SIAH3: variants seen among roughly 807,000 people sequenced by gnomAD.
SIAH3 encodes seven in absentia homolog 3.
In SIAH3, 9 loss-of-function variants were observed where a neutral mutation model predicts 12.6. The observed-to-expected ratio is 0.72, with a 90% confidence interval of 0.43 to 1.25. SIAH3 has a LOEUF of 1.25. Ranked by LOEUF, SIAH3 falls within the 50% of genes most tolerant of loss-of-function variation. The pLI, the probability that SIAH3 is intolerant of heterozygous loss-of-function variation, is 0.00. For synonymous variants in SIAH3, 154 were observed against 151.1 expected, an observed-to-expected ratio of 1.02 and a Z score of -0.14; for missense variants, 390 against 365.4, an observed-to-expected ratio of 1.07 and a Z score of -0.55.
At chr13:45,825,379 G>A (rs1429052825) in intron 1 of SIAH3, among the ~76,000 whole-genome samples, 1 of 152,130 alleles carries the variant, frequency 6.6e-6, no homozygotes, top group Non-Finnish European at 1.5e-5. Context: ...TCGACTCTGG[G>A]AGCACTGCGT....
chr13:45,839,607 T>A (rs1021467168), intron 1 of SIAH3, among the ~76,000 whole-genome samples: 1 of 152,020 alleles, frequency 6.6e-6, no homozygotes, highest in Non-Finnish European at 1.5e-5. Flanking sequence ...CCAAGGTGGG[T>A]GGATCACAAG....
intron 1 of SIAH3, among the ~76,000 whole-genome samples, chr13:45,812,456 G>A (rs1330107809): frequency 6.6e-6 from 1 of 151,128 alleles, no homozygotes; most frequent in Non-Finnish European, 1.5e-5. Context: ...GTTAAAATTA[G>A]TGCCTGCTAA....
At chr13:45,839,659 C>T (rs545981853) in intron 1 of SIAH3, among the ~76,000 whole-genome samples, 5 of 152,028 alleles carry the variant, frequency 3.3e-5, no homozygotes, top group East Asian at 3.9e-4. Flanking sequence ...GGTGAAACCC[C>T]ATCTCTACTA....
intron 1 of SIAH3, among the ~76,000 whole-genome samples, chr13:45,850,140 CAG>C (rs928115178): frequency 6.6e-6 from 1 of 152,172 alleles, no homozygotes; most frequent in African/African-American, 2.4e-5. Context: ...GCTGGGATAT[CAG>C]AGAGAGTCAG....
At chr13:45,788,025 G>A (rs771563909) in intron 1 of SIAH3, among the ~76,000 whole-genome samples, 1 of 152,190 alleles carries the variant, frequency 6.6e-6, no homozygotes, top group East Asian at 1.9e-4. Context: ...GCAGCCAAGG[G>A]TATAATCCAA....
intron 1 of SIAH3, among the ~76,000 whole-genome samples, chr13:45,821,556 A>C (rs2137570585): frequency 6.6e-6 from 1 of 152,374 alleles, no homozygotes; most frequent in African/African-American, 2.4e-5. Flanking sequence ...ATAGTATGCC[A>C]TCAAAAAAAT....
At chr13:45,846,927 C>T (rs572908571) in intron 1 of SIAH3, among the ~76,000 whole-genome samples, 6 of 152,226 alleles carry the variant, frequency 3.9e-5, no homozygotes, top group African/African-American at 1.2e-4. Flanking sequence ...AAAAGCCGCA[C>T]GAATGCTCTG....
intron 1 of SIAH3, among the ~76,000 whole-genome samples, chr13:45,790,515 G>A (rs1272104059): frequency 6.6e-6 from 1 of 152,132 alleles, no homozygotes; most frequent in South Asian, 2.1e-4. Context: ...TTAGTTTCCA[G>A]ATCCTTATCC....
In SIAH3 at chr13:45,783,215, C is replaced by G; in HGVS notation, c.*168G>C. ...TACATAATATAATGCCCATGGCAGA[C>G]AAAAACTAAATCTCACAAAGTACCT... On this transcript the variant is annotated 3_prime_UTR_variant, in exon 2 of 2. Transcript: ENST00000400405. 4.9e-6 allele frequency: 2 copies of G among 408,076 alleles called. No individual in the cohort carries two copies. The highest frequency in any genetic ancestry group is 8.1e-6 in the Non-Finnish European group (2 of 246,804). The allele number at this position is 408,076 out of a possible 1,614,324, so 25.3% of individuals were successfully genotyped here. A position where few individuals can be genotyped will look rare whatever the true frequency, so the allele number is the denominator to read the frequency against.
At chr13:45,812,227 C>A (rs1423992667) in intron 1 of SIAH3, among the ~76,000 whole-genome samples, 1 of 152,200 alleles carries the variant, frequency 6.6e-6, no homozygotes, top group African/African-American at 2.4e-5. Context: ...CCCATGCTTT[C>A]CAGTTTTCAA....
intron 1 of SIAH3, among the ~76,000 whole-genome samples, chr13:45,835,339 C>T (rs549464104): frequency 7.9e-5 from 12 of 152,212 alleles, no homozygotes; most frequent in South Asian, 2.1e-4. Flanking sequence ...CAATGGAAGC[C>T]GGACACAGTA....
At chr13:45,843,126 T>C (rs1021557914) in intron 1 of SIAH3, among the ~76,000 whole-genome samples, 1 of 151,814 alleles carries the variant, frequency 6.6e-6, no homozygotes, top group Non-Finnish European at 1.5e-5. Flanking sequence ...TTTAATTTTC[T>C]GATGACAGTG....
At chr13:45,811,795 C>T (rs924683957) in intron 1 of SIAH3, among the ~76,000 whole-genome samples, 1 of 152,194 alleles carries the variant, frequency 6.6e-6, no homozygotes, top group African/African-American at 2.4e-5. Context: ...CTCAGCCAGG[C>T]TTCTTCATTT....
Position 45,781,676 on chromosome 13 carries a change from C to T in SIAH3, c.*1707G>A, listed in dbSNP as rs1294301484. ...ACCAGAGCAGCCTCTGTTATTAAAT[C>T]TTGTATCGACTGGCACCTCCCTTCT... On this transcript the variant is annotated 3_prime_UTR_variant, in exon 2 of 2. Transcript: ENST00000400405. 1 of 152,250 alleles carries T rather than the reference C, an allele frequency of 6.6e-6. No homozygotes were observed. Among genetic ancestry groups the T allele is most frequent in the East Asian group, 1.9e-4 (1 of 5,192 alleles). The allele number at this position is 152,250 out of a possible 1,614,324, so 9.4% of individuals were successfully genotyped here. A position where few individuals can be genotyped will look rare whatever the true frequency, so the allele number is the denominator to read the frequency against.
chr13:45,825,697 C>T (rs1950671960), intron 1 of SIAH3, among the ~76,000 whole-genome samples: 1 of 152,230 alleles, frequency 6.6e-6, no homozygotes, highest in African/African-American at 2.4e-5. Context: ...TCTGTTGCTG[C>T]TTTCCTGAGC....
chr13:45,838,177 A>T (rs1242856381), intron 1 of SIAH3, among the ~76,000 whole-genome samples: 1 of 112,944 alleles, frequency 8.9e-6, no homozygotes, highest in African/African-American at 3.1e-5. Context: ...AGGTTAAGTG[A>T]CTTGCTCAAG....
At chr13:45,851,448 G>C in intron 1 of SIAH3, 47 bp downstream of exon 1, 1 of 1,604,380 alleles carries the variant, frequency 6.2e-7, no homozygotes. Flanking sequence ...CTCCGAGAAA[G>C]GACTTGAACC....
chr13:45,815,867 G>A (rs371553311), intron 1 of SIAH3, among the ~76,000 whole-genome samples: 15 of 152,332 alleles, frequency 9.8e-5, no homozygotes, highest in South Asian at 2.1e-4. Flanking sequence ...GACAGAGGCC[G>A]TTAAGGTGAC....
intron 1 of SIAH3, among the ~76,000 whole-genome samples, chr13:45,836,653 A>T (rs1331784122): frequency 6.6e-6 from 1 of 152,208 alleles, no homozygotes; most frequent in Non-Finnish European, 1.5e-5. Flanking sequence ...CATCAGGAAG[A>T]ACAGCTAATG....
Sources: allele counts gnomAD v4.1 joint callset (sites outside exome capture counted in the v4.1 genomes callset), GRCh38; gene constraint gnomAD v4.1.1; transcripts MANE v1.5; gene names NCBI Gene and HGNC (gene_info 2026-07-23, HGNC 2026-07-21).